The following HERC2 variants were observed in gnomAD, a reference collection of about 807,000 sequenced individuals.
HERC2 encodes HECT and RLD domain containing E3 ubiquitin protein ligase 2.
Under a neutral mutation model 537.7 loss-of-function variants are expected in HERC2, and 102 were observed. That is an observed-to-expected ratio of 0.19 (90% CI 0.16 to 0.22). The LOEUF is 0.22. Ranked by LOEUF, HERC2 falls within the 10% of genes least tolerant of loss-of-function variation. The pLI, the probability that HERC2 is intolerant of heterozygous loss-of-function variation, is 1.00. For missense variants in HERC2, 4,236 were observed against 6,198.2 expected (o/e 0.68, Z 10.63); for synonymous variants, 2,224 against 2,466.2 (o/e 0.90, Z 2.91).
intron 70 of HERC2, among the ~76,000 whole-genome samples, chr15:28,152,182 A>T (rs1892525852): frequency 1.3e-5 from 2 of 152,232 alleles, no homozygotes; most frequent in African/African-American, 4.8e-5. Context: ...ACTGAACAGC[A>T]GCACACGTGT....
intron 5 of HERC2, among the ~76,000 whole-genome samples, chr15:28,279,651 A>ACACACACACACACACACACACACAC (rs2075971136): frequency 6.6e-6 from 1 of 150,946 alleles, no homozygotes; most frequent in African/African-American, 2.4e-5. Context: ...ACACACACAC[A>ACACACACACACACACACACACACAC]AATTGTTTTT....
At chr15:28,243,811 T>C (rs1903380112) in intron 23 of HERC2, among the ~76,000 whole-genome samples, 1 of 152,230 alleles carries the variant, frequency 6.6e-6, no homozygotes, top group Non-Finnish European at 1.5e-5. Context: ...CGTGGAAAAC[T>C]GGCATTCTGT....
At chr15:28,178,172 C>A (rs1304995162) in intron 59 of HERC2, among the ~76,000 whole-genome samples, 1 of 152,124 alleles carries the variant, frequency 6.6e-6, no homozygotes, top group South Asian at 2.1e-4. Flanking sequence ...GCCTCCTCTG[C>A]CCCCAGGAGA....
At chr15:28,280,702 C>T (rs545605324) in intron 4 of HERC2, among the ~76,000 whole-genome samples, 35 of 152,078 alleles carry the variant, frequency 2.3e-4, no homozygotes, top group African/African-American at 8.4e-4. Flanking sequence ...GTCAGGAGTT[C>T]GAGACCAGCC....
At chr15:28,127,674 C>T (rs746029779) in intron 83 of HERC2, among the ~76,000 whole-genome samples, 2 of 152,092 alleles carry the variant, frequency 1.3e-5, no homozygotes, top group African/African-American at 2.4e-5. Context: ...ATGGCCAGGT[C>T]GAGGCGTGGG....
chr15:28,111,977 A>C lies in HERC2; in HGVS notation c.14291T>G (p.Phe4764Cys). 6.2e-7 allele frequency: 1 copy of C among 1,614,132 alleles called. No individual in the cohort carries two copies. Among genetic ancestry groups the C allele is most frequent in the Non-Finnish European group, 8.5e-7 (1 of 1,180,026 alleles). ...HFLPESYTCF[F>C]LLKLPRYSCK... ...GGAATACCTGGGCAGCTTCAGCAAG[A>C]AGAAACAGGTGTAGGACTCAGGGAG... The change falls in exon 93 of 93, where the codon TTC becomes TGC. Residue 4764 changes from phenylalanine to cysteine, a missense_variant. Transcript: ENST00000261609.
At chr15:28,286,905 T>C (rs927454316) in intron 4 of HERC2, among the ~76,000 whole-genome samples, 4 of 152,002 alleles carry the variant, frequency 2.6e-5, no homozygotes, top group African/African-American at 4.8e-5. Flanking sequence ...GAAGCAAGTG[T>C]CCAGAGGTCT....
intron 4 of HERC2, among the ~76,000 whole-genome samples, chr15:28,289,829 C>T (rs141830027): frequency 3.3e-5 from 5 of 152,206 alleles, no homozygotes; most frequent in African/African-American, 1.2e-4. Flanking sequence ...AGTGAGAGGA[C>T]GACACACCTC....
intron 68 of HERC2, among the ~76,000 whole-genome samples, chr15:28,165,893 C>A (rs1031021661): frequency 1.3e-5 from 2 of 152,234 alleles, no homozygotes; most frequent in African/African-American, 4.8e-5. Context: ...CAGCAACAAG[C>A]ACACAAAGGG....
At chr15:28,170,968 A>G (rs1278856126) in intron 65 of HERC2, among the ~76,000 whole-genome samples, 2 of 152,242 alleles carry the variant, frequency 1.3e-5, no homozygotes, top group Non-Finnish European at 2.9e-5. Context: ...GTATGGCTAC[A>G]TTTTAAAAAG....
rs767374931 is a variant in HERC2 at position 28,270,840 on chromosome 15, T to A, written c.1112A>T (p.Glu371Val). 1.9e-6 allele frequency: 3 copies of A among 1,613,726 alleles called. No homozygotes were observed. The highest frequency in any genetic ancestry group is 2.5e-6 in the Non-Finnish European group (3 of 1,179,836). ...HLLSGPLSPN[E>V]SFLRYLTLPQ... ...AAGGGTGAGGTACCTCAGGAAACTC[T>A]CATTGGGGCTCAGAGGGCCAGACAA... The change falls in exon 10 of 93, where the codon GAG becomes GTG. Residue 371 changes from glutamate (E) to valine (V), a missense_variant. Coordinates refer to ENST00000261609, the MANE Select transcript of HERC2 (RefSeq NM_004667.6).
rs777712348 is a variant in HERC2, at chr15:28,113,600, C to G, written c.13992G>C (p.Leu4664=). 31 of 1,614,050 alleles carry G rather than the reference C, an allele frequency of 1.9e-5. No individual in the cohort carries two copies. Among genetic ancestry groups the G allele is most frequent in the South Asian group, 8.8e-5 (8 of 91,084 alleles). ...TCGTCTCCAGTTCGTAGCCGGTGAA[C>G]AGAGAGAGGAGGGGAACAGGCACAA... ...ARVVPVPLLS[L]FTGYELETMV... is the part of the protein sequence containing the mutation. Residue 4664 remains leucine (L), a synonymous_variant, in exon 91 of 93, where the codon CTG becomes CTC. Transcript: ENST00000261609. This position sits in a 1 kb window ranked among gnomAD's most constrained non-coding sequence, Gnocchi z 7.0.
chr15:28,247,670 C>T lies in HERC2; in HGVS notation c.3236-773G>A, dbSNP rs542862364. On this transcript the variant is annotated intron_variant, in intron 21 of 92. Transcript: ENST00000261609. ...GTCTTGAACTCCTGACCTTGTGATC[C>T]GCCCACCTTGGCCTCCCAAAGTGCT... is the stretch of plus-strand genomic sequence containing the variant. Among the ~76,000 whole-genome samples, 7 of 152,110 alleles carry T rather than the reference C, an allele frequency of 4.6e-5. No individual in the cohort carries two copies. The South Asian group carries it at 6.2e-4, about 14-fold the overall frequency.
Position 28,271,294 on chromosome 15 carries a change from C to T in HERC2, c.1084-426G>A, listed in dbSNP as rs544308094. On this transcript the variant is annotated intron_variant, in intron 9 of 92. Coordinates refer to ENST00000261609, the MANE Select transcript of HERC2 (RefSeq NM_004667.6). ...CGTTGCCCACTCTGGAGAACACCTA[C>T]TTTCATTTGCAAATTAAATCATAGT... Among the ~76,000 whole-genome samples, 6 of 152,340 alleles carry T rather than the reference C, an allele frequency of 3.9e-5. No individual in the cohort carries two copies. The East Asian group carries it at 1.2e-3, about 29-fold the overall frequency.
Position 28,135,647 on chromosome 15 carries a change from C to G in HERC2, c.12061G>C (p.Gly4021Arg). 1.9e-6 allele frequency: 3 copies of G among 1,614,118 alleles called. No homozygotes were observed. Among genetic ancestry groups the G allele is most frequent in the Non-Finnish European group, 2.5e-6 (3 of 1,180,014 alleles). ...YGAGGRLGIG[G>R]TESVSTPTLL... ...GTTGGGGTGGACACCGACTCTGTCC[C>G]TCCAATGCCTAGTCTGCCACCTGCA... Residue 4021 changes from glycine to arginine, a missense_variant, in exon 79 of 93, where the codon GGG (glycine) becomes CGG (arginine). Coordinates refer to ENST00000261609, the MANE Select transcript of HERC2 (RefSeq NM_004667.6).
chr15:28,265,619 G>T lies in HERC2; in HGVS notation c.1869C>A (p.Asn623Lys). ...CAGGGTGGCGAGAGCTCTACGTACC[G>T]TTCTCAGTGACAGCCAGGGTTTGAG... ...GDAQTLAVTE[N>K]GQVWSWGDGD... The change falls in exon 14 of 93, where the codon AAC becomes AAA. Residue 623 changes from asparagine to lysine, a missense_variant and splice_region_variant. Asn to Lys is a moderately conservative substitution (Grantham distance 94, BLOSUM62 0). Transcript: ENST00000261609. The surrounding 1 kb of genome is among the most constrained non-coding windows in gnomAD (Gnocchi z 4.0). 6.2e-7 allele frequency: 1 copy of T among 1,613,258 alleles called. No homozygotes were observed.
chr15:28,225,515 G>A (rs1187540864), intron 35 of HERC2, among the ~76,000 whole-genome samples: 1 of 151,832 alleles, frequency 6.6e-6, no homozygotes, highest in African/African-American at 2.4e-5. Flanking sequence ...GGTCAACACG[G>A]TGAAACCCCG....
intron 78 of HERC2, among the ~76,000 whole-genome samples, chr15:28,137,626 C>T (rs4778252): frequency 0.97 from 147,066 of 152,326 alleles, 71,114 homozygotes; most frequent in Non-Finnish European, 0.99. Flanking sequence ...TGAACTTAAA[C>T]GATAAATGTG....
chr15:28,200,063 A>G (rs111967469), intron 48 of HERC2, among the ~76,000 whole-genome samples: 6 of 152,290 alleles, frequency 3.9e-5, no homozygotes, highest in African/African-American at 1.4e-4. Context: ...TCAGGTCATA[A>G]GAGTGGGCCT....
Sources: gnomAD v4.1 joint callset for allele counts (sites outside exome capture counted in the v4.1 genomes callset) on GRCh38, gnomAD v4.1.1 for gene constraint, Gnocchi (gnomAD v3.1) non-coding constraint, MANE v1.5 for transcripts, NCBI Gene and HGNC (gene_info 2026-07-23, HGNC 2026-07-21) for gene names.